IQCK: variants seen among roughly 807,000 people sequenced by gnomAD.
The protein encoded by IQCK is IQ motif containing K.
IQCK carries 29 observed loss-of-function variants against 28.1 expected under a neutral mutation model. The observed-to-expected ratio is 1.03, with a 90% CI of 0.77 to 1.41. The LOEUF is 1.41. Among genes scored for constraint, IQCK ranks in the 40% most tolerant of loss-of-function variants. The pLI is 0.00. For missense variants in IQCK, 359 were observed against 314.7 expected, an observed-to-expected ratio of 1.14 and a Z score of -1.07; for synonymous variants, 113 against 115.1, an observed-to-expected ratio of 0.98 and a Z score of 0.12.
chr16:19,756,529 G>A (rs947454220), intron 4 of IQCK, among the ~76,000 whole-genome samples: 1 of 152,188 alleles, frequency 6.6e-6, no homozygotes, highest in African/African-American at 2.4e-5. Flanking sequence ...AGATGGTAGA[G>A]CCTTTGGGAG....
rs187405645 is a variant in IQCK at position 19,752,413 on chromosome 16, A to G, written c.475-11435A>G. 6.7e-4 allele frequency among the ~76,000 whole-genome samples: 102 copies of G among 152,318 alleles called. No individual in the cohort carries two copies. In the South Asian group the frequency reaches 8.5e-3, roughly 13 times the overall value. On this transcript the variant is annotated intron_variant, in intron 4 of 7. Transcript: ENST00000564186. ...AGCAGTAAAAAGTAGTGGAAACTCA[A>G]ATGAGTTTGTTTCAGCTGGGGAGTA... is the stretch of plus-strand genomic sequence containing the variant.
chr16:19,733,718 G>A, exon 3 of IQCK: 1 of 1,614,164 alleles, frequency 6.2e-7, no homozygotes, highest in Non-Finnish European at 8.5e-7. Flanking sequence ...TAGAGGAAAT[G>A]CTTTTTCATG....
At chr16:19,718,926 A>T (rs1427696515) in intron 1 of IQCK, among the ~76,000 whole-genome samples, 1 of 152,184 alleles carries the variant, frequency 6.6e-6, no homozygotes, top group Non-Finnish European at 1.5e-5. Context: ...AGGTAATCCT[A>T]ACGTAGGTAG....
rs747244516 is a variant in IQCK at position 19,733,683 on chromosome 16, CCT to C, written c.247-14_247-13del. On this transcript the variant is annotated splice_polypyrimidine_tract_variant and intron_variant, in intron 2 of 7. Transcript: ENST00000564186. ...TGTTTAAATGAATTGCCTCCCCTCC[CCT>C]GTCTGCCTCCAGGTTGCGCCAGTAG... 1.9e-6 allele frequency: 3 copies of C among 1,613,438 alleles called. No homozygotes were observed. The highest frequency in any genetic ancestry group is 2.5e-6 in the Non-Finnish European group (3 of 1,179,836).
intron 7 of IQCK, among the ~76,000 whole-genome samples, chr16:19,810,765 C>T (rs2055894352): frequency 6.7e-6 from 1 of 150,028 alleles, no homozygotes; most frequent in South Asian, 2.1e-4. Context: ...AAGATCGTGC[C>T]ACTGCACTTC....
At chr16:19,725,920 CTT>C (rs1284380125) in intron 1 of IQCK, among the ~76,000 whole-genome samples, 5 of 139,872 alleles carry the variant, frequency 3.6e-5, no homozygotes, top group Admixed American at 7.1e-5. Context: ...TCTTTTTTTT[CTT>C]TTTTTTTTTT....
At position 19,790,793 on chromosome 16, in the gene IQCK, A is replaced by G. The variant is rs74795268; in HGVS notation, c.690+1871A>G. ...AAGTAACATATTTGCACATTAAAGG[A>G]GAAGTCTGTGCCCAAAGAGTTAAAA... On this transcript the variant is annotated intron_variant, in intron 7 of 7. Coordinates refer to ENST00000564186, the Ensembl canonical transcript of IQCK. Among the ~76,000 whole-genome samples the G allele has an allele frequency of 1.7e-3, 132 of 77,552 alleles. 12 individuals are homozygous for G. In the East Asian group the frequency reaches 0.051, roughly 30 times the overall value. 50.9% of individuals were successfully genotyped at this position (77,552 alleles called of 152,430 possible). A position where few individuals can be genotyped will look rare whatever the true frequency, so the allele number is the denominator to read the frequency against.
intron 9 of IQCK, among the ~76,000 whole-genome samples, chr16:19,835,507 T>C (rs1403969738): frequency 6.6e-6 from 1 of 152,170 alleles, no homozygotes; most frequent in Non-Finnish European, 1.5e-5. Context: ...AGTTGGCTTG[T>C]ATTATGAACA....
At chr16:19,850,556 C>G (rs1371454548) in intron 9 of IQCK, among the ~76,000 whole-genome samples, 2 of 152,106 alleles carry the variant, frequency 1.3e-5, no homozygotes, top group Non-Finnish European at 2.9e-5. Flanking sequence ...AACCCCAGGC[C>G]CCAGCACGGT....
intron 6 of IQCK, among the ~76,000 whole-genome samples, chr16:19,765,145 C>G (rs568399028): frequency 2.0e-5 from 3 of 147,844 alleles, no homozygotes; most frequent in Non-Finnish European, 4.5e-5. Context: ...TGGCGTGAAC[C>G]CTGGAGGCGG....
At chr16:19,852,231 AC>A (rs762741067) in intron 9 of IQCK, among the ~76,000 whole-genome samples, 2 of 151,866 alleles carry the variant, frequency 1.3e-5, no homozygotes, top group Non-Finnish European at 2.9e-5. Flanking sequence ...ATTTCTTTTT[AC>A]CTTTTGGGGG....
chr16:19,723,165 C>T (rs755740986), intron 1 of IQCK, among the ~76,000 whole-genome samples: 7 of 151,352 alleles, frequency 4.6e-5, no homozygotes, highest in Non-Finnish European at 7.4e-5. Context: ...CTTACCACCC[C>T]CTGCTTAGAT....
intron 4 of IQCK, among the ~76,000 whole-genome samples, chr16:19,748,504 G>A (rs2054943745): frequency 6.6e-6 from 1 of 152,152 alleles, no homozygotes; most frequent in South Asian, 2.1e-4. Flanking sequence ...CTTGTTGTGA[G>A]GATAAATGAG....
At chr16:19,850,938 A>T (rs1159833584) in intron 9 of IQCK, among the ~76,000 whole-genome samples, 1 of 152,172 alleles carries the variant, frequency 6.6e-6, no homozygotes, top group Non-Finnish European at 1.5e-5. Context: ...TGGAAGGACC[A>T]TTTGAGCCCA....
chr16:19,806,989 G>T (rs1370108650), intron 7 of IQCK, among the ~76,000 whole-genome samples: 1 of 152,214 alleles, frequency 6.6e-6, no homozygotes, highest in African/African-American at 2.4e-5. Context: ...TTGTATCAGG[G>T]TTAATATGTG....
chr16:19,767,977 A>G (rs1417167547), intron 6 of IQCK, among the ~76,000 whole-genome samples: 3 of 151,366 alleles, frequency 2.0e-5, no homozygotes, highest in Non-Finnish European at 2.9e-5. Flanking sequence ...TGACTAAATC[A>G]TAATCTTCAG....
At chr16:19,727,585 A>AC (rs10609957) in intron 1 of IQCK, among the ~76,000 whole-genome samples, 7,518 of 122,676 alleles carry the variant, frequency 0.061, 205 homozygotes, top group Non-Finnish European at 0.078. Context: ...AGACTTTGTC[A>AC]CCCCCCCCCC....
chr16:19,775,213 T>C (rs966517776), intron 6 of IQCK, among the ~76,000 whole-genome samples: 1 of 141,006 alleles, frequency 7.1e-6, no homozygotes, highest in African/African-American at 2.7e-5. Flanking sequence ...GGCGACAGGG[T>C]GAGACTCTGT....
chr16:19,742,939 C>T (rs561843667), intron 4 of IQCK, among the ~76,000 whole-genome samples: 2 of 152,226 alleles, frequency 1.3e-5, no homozygotes, highest in East Asian at 1.9e-4. Flanking sequence ...GAGGCCGAGG[C>T]GGGTAGATCA....
Sources: allele counts gnomAD v4.1 joint callset (sites outside exome capture counted in the v4.1 genomes callset), GRCh38; gene constraint gnomAD v4.1.1; transcripts MANE v1.5; gene names NCBI Gene and HGNC (gene_info 2026-07-23, HGNC 2026-07-21).